Variants in AFDN observed in about 807,000 individuals in gnomAD.
AFDN encodes afadin.
Under a neutral mutation model 216.6 loss-of-function variants are expected in AFDN, and 68 were observed. The ratio of observed to expected loss-of-function variants is 0.31; its 90% CI spans 0.26 to 0.38. The LOEUF (loss-of-function observed/expected upper bound fraction) is 0.38. Among genes scored for constraint, AFDN ranks in the 10% least tolerant of loss-of-function variants. The pLI, the probability that AFDN is intolerant of heterozygous loss-of-function variation, is 1.00. For synonymous variants in AFDN, 868 were observed against 853.7 expected, an observed-to-expected ratio of 1.02 and a Z score of -0.29; for missense variants, 2,136 against 2,342.0, an observed-to-expected ratio of 0.91 and a Z score of 1.82.
At chr6:167,889,438 G>C in intron 7 of AFDN, 112 bp downstream of exon 7, 1 of 649,004 alleles carries the variant, frequency 1.5e-6, no homozygotes, top group Non-Finnish European at 2.6e-6. Context: ...GGATGGCCTT[G>C]TTGTTGTTGT....
At chr6:167,830,609 A>G (rs1012913265) in intron 1 of AFDN, among the ~76,000 whole-genome samples, 1 of 152,248 alleles carries the variant, frequency 6.6e-6, no homozygotes. Context: ...TTCACGAGAT[A>G]CTTCTTAAAG....
chr6:167,896,911 A>C lies in AFDN; in HGVS notation c.1256A>C (p.Tyr419Ser), dbSNP rs1788329995. The change falls in exon 10 of 34, where the codon TAC becomes TCC. Residue 419 changes from tyrosine (Y) to serine (S), a missense_variant. Tyr to Ser is a moderately radical substitution (Grantham distance 144, BLOSUM62 -2). Around this residue, in one of 8 missense-constraint regions of AFDN, gnomAD observed 817 missense variants for 965.7 expected, o/e 0.85. Coordinates refer to ENST00000683244, the MANE Select transcript of AFDN (RefSeq NM_001386888.1). The part of the protein sequence containing the change: ...GSDSRDKPKL[Y>S]RLQLSVTEVG... ...GACTCTAGAGATAAGCCAAAGCTTT[A>C]CCGCCTTCAGTTAAGTGTTACTGAA... 6.2e-7 allele frequency: 1 copy of C among 1,613,620 alleles called. No individual in the cohort carries two copies. Among genetic ancestry groups the C allele is most frequent in the Non-Finnish European group, 8.5e-7 (1 of 1,179,730 alleles).
In AFDN at chr6:167,965,851, C is replaced by G. The variant is rs761011464; in HGVS notation, c.5063C>G (p.Pro1688Arg). 21 of 1,548,982 alleles carry G rather than the reference C, an allele frequency of 1.4e-5. No individual in the cohort carries two copies. In the Admixed American group the frequency reaches 3.1e-4, roughly 23 times the overall value. ...CGCAGGTTGCTGGAGCCCGAGGCGC[C>G]CGGTCTGTGCCGCCCTCCGCTTCCC... Reference protein sequence around the residue: ...AARRLLEPEAPGLCRPPLPRD... With the variant: ...AARRLLEPEARGLCRPPLPRD... The change falls in exon 32 of 34, where the codon CCC becomes CGC. Residue 1688 changes from proline (P) to arginine (R), a missense_variant. Physicochemically the swap from Pro to Arg is moderately radical, Grantham distance 103. Around this residue, in one of 8 missense-constraint regions of AFDN, gnomAD observed 981 missense variants for 966.0 expected, o/e 1.02. Transcript: ENST00000683244.
rs111981653 is a variant in AFDN, at chr6:167,888,618, A to T, written c.898-597A>T. Among the ~76,000 whole-genome samples, 379 of 152,342 alleles carry T rather than the reference A, an allele frequency of 2.5e-3. 2 individuals are homozygous for T. Among genetic ancestry groups the T allele is most frequent in the African/African-American group, 8.6e-3 (359 of 41,588 alleles). On this transcript the variant is annotated intron_variant, in intron 6 of 33. Coordinates refer to ENST00000683244, the MANE Select transcript of AFDN (RefSeq NM_001386888.1). Reference sequence around the variant, plus strand: ...TAAAAATGTAATAAAAAAGTAATACAGCATTATGAATTAGGAGTTCAATGA... The same window carrying T: ...TAAAAATGTAATAAAAAAGTAATACTGCATTATGAATTAGGAGTTCAATGA...
chr6:167,893,314 T>C (rs1178164821), intron 8 of AFDN, among the ~76,000 whole-genome samples: 2 of 152,240 alleles, frequency 1.3e-5, no homozygotes, highest in South Asian at 4.1e-4. Context: ...TTTCCATTTA[T>C]GAGAAAATAA....
intron 30 of AFDN, among the ~76,000 whole-genome samples, chr6:167,955,326 A>G (rs999572348): frequency 6.6e-6 from 1 of 152,076 alleles, no homozygotes; most frequent in African/African-American, 2.4e-5. Flanking sequence ...CAGCGGTAAT[A>G]ACACCTTAGA....
Position 167,915,442 on chromosome 6 carries a change from T to C in AFDN, c.2565+9T>C. 1 of 1,599,794 alleles carries C rather than the reference T, an allele frequency of 6.3e-7. No homozygotes were observed. Among genetic ancestry groups the C allele is most frequent in the Non-Finnish European group, 8.5e-7 (1 of 1,171,156 alleles). ...TGAGCAGGATCGTGCAGGTGATTGC[T>C]GGTGCCACTCCCCAGCTCATGTGCT... is the stretch of plus-strand genomic sequence containing the variant. On this transcript the variant is annotated intron_variant, in intron 19 of 33. Transcript: ENST00000683244.
chr6:167,963,594 A>G, intron 31 of AFDN: 1 of 1,058,180 alleles, frequency 9.5e-7, no homozygotes, highest in Non-Finnish European at 1.1e-6. Context: ...ACTTAAATGG[A>G]GTAGAGTGAA....
At chr6:167,873,193 A>C (rs970969437) in intron 4 of AFDN, among the ~76,000 whole-genome samples, 1 of 152,252 alleles carries the variant, frequency 6.6e-6, no homozygotes, top group Admixed American at 6.5e-5. Flanking sequence ...AAAAGGGTGA[A>C]GAACGTAAAG....
In AFDN at chr6:167,827,169, C is replaced by T. The variant is rs1287729159; in HGVS notation, c.37C>T (p.Leu13=). 2.3e-6 allele frequency: 3 copies of T among 1,304,668 alleles called. No homozygotes were observed. The highest frequency in any genetic ancestry group is 2.0e-6 in the Non-Finnish European group (2 of 997,952). 80.8% of individuals were successfully genotyped at this position (1,304,668 alleles called of 1,614,324 possible). A position where few individuals can be genotyped will look rare whatever the true frequency, so the allele number is the denominator to read the frequency against. Residue 13 remains leucine (L), a synonymous_variant, in exon 1 of 34, where the codon CTG becomes TTG. Transcript: ENST00000683244. The part of the protein sequence containing the change: ...AGGRDEERRK[L]ADIIHHWNAN... ...CGGCCGTGACGAGGAGCGGCGGAAG[C>T]TGGCCGACATCATCCACCACTGGAA...
intron 1 of AFDN, among the ~76,000 whole-genome samples, chr6:167,835,148 TTTG>T (rs1156487594): frequency 1.3e-5 from 2 of 152,232 alleles, no homozygotes; most frequent in Non-Finnish European, 2.9e-5. Context: ...AATGTTAACC[TTTG>T]TTAATATCAC....
chr6:167,897,331 G>A (rs79114745), intron 10 of AFDN, among the ~76,000 whole-genome samples: 7 of 152,126 alleles, frequency 4.6e-5, no homozygotes, highest in East Asian at 1.9e-4. Context: ...TTAGGCATTC[G>A]GTAAATTCTA....
intron 29 of AFDN, among the ~76,000 whole-genome samples, chr6:167,949,634 T>A (rs958716619): frequency 6.6e-6 from 1 of 152,224 alleles, no homozygotes; most frequent in Non-Finnish European, 1.5e-5. Context: ...GGAGAAGGTG[T>A]CTTTCTCCAA....
intron 1 of AFDN, among the ~76,000 whole-genome samples, chr6:167,851,951 AT>A (rs1354565016): frequency 6.6e-6 from 1 of 152,188 alleles, no homozygotes; most frequent in East Asian, 1.9e-4. Context: ...CATATTACAC[AT>A]TTTTTAGCGT....
At chr6:167,934,197 A>T (rs4484497) in intron 23 of AFDN, among the ~76,000 whole-genome samples, 1 of 152,006 alleles carries the variant, frequency 6.6e-6, no homozygotes, top group East Asian at 1.9e-4. Context: ...TTTTATGGAG[A>T]GGGAAGAGAT....
intron 2 of AFDN, chr6:167,865,023 A>G (rs757691684): frequency 4.2e-5 from 22 of 525,902 alleles, no homozygotes; most frequent in Admixed American, 1.0e-4. Flanking sequence ...CATTTATCCA[A>G]CATATCTGGG....
At position 167,902,333 on chromosome 6, in the gene AFDN, A is replaced by G. The variant is rs148622566; in HGVS notation, c.1597A>G (p.Thr533Ala). 6.1e-5 allele frequency: 98 copies of G among 1,612,826 alleles called. No individual in the cohort carries two copies. In the South Asian group the frequency reaches 9.7e-4, roughly 16 times the overall value. Residue 533 changes from threonine to alanine, a missense_variant, in exon 12 of 34, where the codon ACT becomes GCT. Coordinates refer to ENST00000683244, the MANE Select transcript of AFDN (RefSeq NM_001386888.1). Reference protein sequence around the residue: ...RHKPGIVQETTFDLGGDIHSG... With the variant: ...RHKPGIVQETAFDLGGDIHSG... Reference sequence around the variant, plus strand: ...TCCCATCAGAATTGTTCAGGAGACAACTTTTGATTTGGGAGGAGATATTCA... The same window carrying G: ...TCCCATCAGAATTGTTCAGGAGACAGCTTTTGATTTGGGAGGAGATATTCA...
intron 29 of AFDN, among the ~76,000 whole-genome samples, chr6:167,948,974 A>G (rs1391097884): frequency 6.6e-6 from 1 of 152,176 alleles, no homozygotes; most frequent in Non-Finnish European, 1.5e-5. Context: ...AGGCACAGAG[A>G]TGTGTAGTAG....
At chr6:167,859,143 TG>T (rs2128210795) in intron 1 of AFDN, among the ~76,000 whole-genome samples, 1 of 150,110 alleles carries the variant, frequency 6.7e-6, no homozygotes, top group East Asian at 2.0e-4. Context: ...TTTTAGGTAA[TG>T]AAATACATTT....
Sources: gnomAD v4.1 joint callset for allele counts (sites outside exome capture counted in the v4.1 genomes callset) on GRCh38, gnomAD v4.1.1 for gene constraint, gnomAD v4.1.1 regional missense constraint, MANE v1.5 for transcripts, NCBI Gene and HGNC (gene_info 2026-07-23, HGNC 2026-07-21) for gene names.